The following LAMC1 variants were observed in gnomAD, a reference collection of about 807,000 sequenced individuals.
LAMC1 encodes the protein laminin subunit gamma-1.
In LAMC1, 38 loss-of-function variants were observed where a neutral mutation model predicts 173.6. The observed-to-expected ratio is 0.22, with a 90% CI of 0.17 to 0.29. LAMC1 has a LOEUF of 0.29. LAMC1 is among the 10% of genes least tolerant of loss of function. LAMC1 has a pLI of 1.00. For missense variants in LAMC1, 1,824 were observed against 2,051.8 expected (o/e 0.89, Z 2.14); for synonymous variants, 746 against 749.1 (o/e 1.00, Z 0.07).
At chr1:183,120,699 T>C (rs1337354180) in intron 11 of LAMC1, among the ~76,000 whole-genome samples, 3 of 152,228 alleles carry the variant, frequency 2.0e-5, no homozygotes, top group Non-Finnish European at 2.9e-5. Flanking sequence ...GGATGAACCA[T>C]TGGTCTAAGG....
intron 1 of LAMC1, among the ~76,000 whole-genome samples, chr1:183,040,363 G>A (rs1654098001): frequency 6.6e-6 from 1 of 152,216 alleles, no homozygotes; most frequent in South Asian, 2.1e-4. Context: ...AGGAAGCACA[G>A]TAACTTTGTC....
chr1:183,115,909 G>C (rs776037531), intron 6 of LAMC1, among the ~76,000 whole-genome samples: 1 of 152,114 alleles, frequency 6.6e-6, no homozygotes, highest in Non-Finnish European at 1.5e-5. Context: ...GGGAGGCCAA[G>C]GTGGCTGGAT....
intron 20 of LAMC1, 100 bp from the exon 21 acceptor site, chr1:183,132,300 A>C: frequency 1.4e-6 from 1 of 728,164 alleles, no homozygotes; most frequent in African/African-American, 1.9e-5. Flanking sequence ...TCAAATAATA[A>C]TAATAATAAT....
chr1:183,048,687 T>A (rs1162433317), intron 1 of LAMC1, among the ~76,000 whole-genome samples: 1 of 152,212 alleles, frequency 6.6e-6, no homozygotes, highest in African/African-American at 2.4e-5. Flanking sequence ...TTATATAATT[T>A]ATGAGTTTTA....
At chr1:183,122,305 G>A (rs942513440) in intron 13 of LAMC1, 54 bp downstream of exon 13, 264 of 1,532,408 alleles carry the variant, frequency 1.7e-4, no homozygotes, top group Non-Finnish European at 2.2e-4. Context: ...AAAAGACCTA[G>A]GGGAAAGGGG....
In LAMC1 at chr1:183,122,223, G is replaced by A; in HGVS notation, c.2373G>A (p.Val791=). The change falls in exon 13 of 28, where the codon GTG becomes GTA. Residue 791 remains valine, a synonymous_variant. Transcript: ENST00000258341. ...CAVVPKTKEV[V]CTNCPTGTTG... ...TTGTTCCCAAGACAAAGGAGGTGGT[G>A]TGCACCAACTGTCCTACTGGCACCA... 5 of 1,614,150 alleles carry A rather than the reference G, an allele frequency of 3.1e-6. No individual in the cohort carries two copies. The highest frequency in any genetic ancestry group is 1.1e-5 in the South Asian group (1 of 91,074).
At chr1:183,108,676 A>G (rs1363043860) in intron 3 of LAMC1, among the ~76,000 whole-genome samples, 2 of 152,176 alleles carry the variant, frequency 1.3e-5, no homozygotes, top group Non-Finnish European at 2.9e-5. Flanking sequence ...GTGAATTCTT[A>G]TTGACAATTT....
rs368003567 is a variant in LAMC1, at chr1:183,126,106, G to C, written c.2802-14G>C. Reference sequence around the variant, plus strand: ...GTTTTTCTTGCCTGAGAAATGTCCTGTGTTCATTTTCAGGTGTGACTGCCA... The same window carrying C: ...GTTTTTCTTGCCTGAGAAATGTCCTCTGTTCATTTTCAGGTGTGACTGCCA... On this transcript the variant is annotated splice_polypyrimidine_tract_variant and intron_variant, in intron 15 of 27. Coordinates refer to ENST00000258341, the MANE Select transcript of LAMC1 (RefSeq NM_002293.4). The C allele has an allele frequency of 2.3e-5, 37 of 1,610,750 alleles. No individual in the cohort carries two copies. The highest frequency in any genetic ancestry group is 3.1e-5 in the Non-Finnish European group (37 of 1,178,908).
intron 1 of LAMC1, 21 bp downstream of exon 1, chr1:183,024,155 C>T (rs1367313025): frequency 1.3e-6 from 2 of 1,527,908 alleles, no homozygotes; most frequent in East Asian, 4.9e-5. Flanking sequence ...ACAGCCCCGT[C>T]CCCTGCTACT....
chr1:183,139,143 G>A (rs1261356792), intron 26 of LAMC1, among the ~76,000 whole-genome samples: 2 of 152,136 alleles, frequency 1.3e-5, no homozygotes, highest in Non-Finnish European at 2.9e-5. Context: ...TAGATTTAAA[G>A]CATATTGAAA....
At chr1:183,097,804 A>G (rs960024053) in intron 1 of LAMC1, among the ~76,000 whole-genome samples, 6 of 152,146 alleles carry the variant, frequency 3.9e-5, no homozygotes, top group Non-Finnish European at 2.9e-5. Flanking sequence ...AGTATTGGTT[A>G]ATTTTGTGTG....
chr1:183,029,740 C>T lies in LAMC1; in HGVS notation c.418+5606C>T, dbSNP rs1653800711. Among the ~76,000 whole-genome samples, 4 of 152,172 alleles carry T rather than the reference C, an allele frequency of 2.6e-5. No homozygotes were observed. In the South Asian group the frequency reaches 8.3e-4, roughly 32 times the overall value. On this transcript the variant is annotated intron_variant, in intron 1 of 27. Transcript: ENST00000258341. ...TCACATAGGATTATCTGTTTCTTTA[C>T]TTGTCTGTTTCTACCTTTAAACCAT...
At chr1:183,101,776 C>G (rs1655840200) in intron 1 of LAMC1, among the ~76,000 whole-genome samples, 1 of 152,090 alleles carries the variant, frequency 6.6e-6, no homozygotes. Context: ...TGTGTTCTTT[C>G]TGTTATGCCA....
chr1:183,036,088 A>G (rs1479342576), intron 1 of LAMC1, among the ~76,000 whole-genome samples: 1 of 142,806 alleles, frequency 7.0e-6, no homozygotes, highest in Non-Finnish European at 1.5e-5. Flanking sequence ...TTTGTGCTTG[A>G]ATGAATTCTT....
At chr1:183,040,064 G>A (rs894520523) in intron 1 of LAMC1, among the ~76,000 whole-genome samples, 2 of 152,140 alleles carry the variant, frequency 1.3e-5, no homozygotes, top group Admixed American at 6.6e-5. Flanking sequence ...AACTAGATTC[G>A]GACTTCTTCA....
intron 3 of LAMC1, 61 bp downstream of exon 3, chr1:183,108,467 A>G: frequency 6.8e-7 from 1 of 1,481,478 alleles, no homozygotes; most frequent in Non-Finnish European, 9.3e-7. Context: ...AGGTGAATCT[A>G]GCAACTTGTT....
In LAMC1 at chr1:183,133,414, A is replaced by G. The variant is rs759408486; in HGVS notation, c.3713A>G (p.Gln1238Arg). Reference sequence around the variant, plus strand: ...CATTATTTGTGTCTTAGGTATGAACAAGCGAAGAACATCTCACAGGATCTG... The same window carrying G: ...CATTATTTGTGTCTTAGGTATGAACGAGCGAAGAACATCTCACAGGATCTG... ...EIEELNRKYE[Q>R]AKNISQDLEK... The change falls in exon 22 of 28, where the codon CAA becomes CGA. Residue 1238 changes from glutamine (Q) to arginine (R), a missense_variant. Transcript: ENST00000258341. 8.7e-6 allele frequency: 14 copies of G among 1,613,636 alleles called. No homozygotes were observed. The highest frequency in any genetic ancestry group is 1.2e-5 in the Non-Finnish European group (14 of 1,179,678).
rs529679375 is a variant in LAMC1 at position 183,026,979 on chromosome 1, C to CT, written c.418+2846dup. ...CAATTTCTTACATTAATATGACCCT[C>CT]TAGAAATTTTTCATGCATACACATG... On this transcript the variant is annotated intron_variant, in intron 1 of 27. Coordinates refer to ENST00000258341, the MANE Select transcript of LAMC1 (RefSeq NM_002293.4). Among the ~76,000 whole-genome samples the CT allele has an allele frequency of 9.0e-4, 137 of 152,274 alleles. 1 individual carries two copies. The highest frequency in any genetic ancestry group is 3.2e-3 in the African/African-American group (131 of 41,568).
Position 183,023,683 on chromosome 1 carries a change from T to G in LAMC1, c.-34T>G. On this transcript the variant is annotated 5_prime_UTR_variant, in exon 1 of 28. Transcript: ENST00000258341. ...GGCGAGAGGAACGCGCCGGTGCCCT[T>G]GCCTTCGCCGTGACCCAGCGTGCGG... The G allele has an allele frequency of 1.4e-5, 16 of 1,159,942 alleles. No homozygotes were observed. Among genetic ancestry groups the G allele is most frequent in the Non-Finnish European group, 1.7e-5 (16 of 940,172 alleles). 71.9% of individuals were successfully genotyped at this position (1,159,942 alleles called of 1,614,324 possible). A position where few individuals can be genotyped will look rare whatever the true frequency, so the allele number is the denominator to read the frequency against.
Sources: allele counts gnomAD v4.1 joint callset (sites outside exome capture counted in the v4.1 genomes callset), GRCh38; gene constraint gnomAD v4.1.1; transcripts MANE v1.5; gene names NCBI Gene and HGNC (gene_info 2026-07-23, HGNC 2026-07-21).